POGK: variants seen among roughly 807,000 people sequenced by gnomAD.
POGK encodes pogo transposable element with KRAB domain.
POGK carries 16 observed loss-of-function variants against 54.4 expected under a neutral mutation model. The observed-to-expected ratio is 0.29, with a 90% confidence interval of 0.20 to 0.45. The LOEUF is 0.45. Among genes scored for constraint, POGK ranks in the 20% least tolerant of loss-of-function variants. The pLI is 1.00. For synonymous variants in POGK, 271 were observed against 302.2 expected, an observed-to-expected ratio of 0.90 and a Z score of 1.07; for missense variants, 515 against 795.6, an observed-to-expected ratio of 0.65 and a Z score of 4.24.
intron 5 of POGK, 178 bp downstream of exon 5, chr1:166,850,601 CT>C (rs1658022557): frequency 1.6e-6 from 1 of 625,450 alleles, no homozygotes; most frequent in African/African-American, 1.8e-5. Flanking sequence ...CTGTCAGGAA[CT>C]GGGCTGCACA....
intron 2 of POGK, among the ~76,000 whole-genome samples, chr1:166,844,873 G>A (rs574524565): frequency 6.6e-6 from 1 of 152,300 alleles, no homozygotes; most frequent in South Asian, 2.1e-4. Flanking sequence ...GCACAGAGTG[G>A]GCTTCCTCGG....
chr1:166,851,675 CA>C, intron 5 of POGK: 1 of 152,190 alleles, frequency 6.6e-6, no homozygotes, highest in East Asian at 1.9e-4. Context: ...CCACAAAGAA[CA>C]AACAATTCAT....
At chr1:166,852,075 T>C (rs1346102977) in intron 5 of POGK, 1 of 152,220 alleles carries the variant, frequency 6.6e-6, no homozygotes, top group Admixed American at 6.5e-5. Context: ...TTGCTTTTTT[T>C]TCCCCCTTGG....
chr1:166,850,543 G>T, intron 5 of POGK, 120 bp downstream of exon 5: 1 of 1,201,822 alleles, frequency 8.3e-7, no homozygotes. Flanking sequence ...CAGTAGTGTA[G>T]ATCAGGGGTC....
rs1201740241 is a variant in POGK at position 166,853,526 on chromosome 1, T to G, written c.*956T>G. On this transcript the variant is annotated 3_prime_UTR_variant, in exon 6 of 6. Transcript: ENST00000367876. The stretch of plus-strand genomic sequence containing the variant: ...CTTGGGCTTTTAGCCACAGCTGTTT[T>G]AAGACTTCTGATCTCCTGCCCTGCA... The G allele has an allele frequency of 6.5e-6, 1 of 152,674 alleles. No individual in the cohort carries two copies. The highest frequency in any genetic ancestry group is 6.5e-5 in the Admixed American group (1 of 15,288). 9.5% of individuals were successfully genotyped at this position (152,674 alleles called of 1,614,324 possible).
intron 1 of POGK, 52 bp from the exon 2 acceptor site, chr1:166,840,903 T>C (rs759775117): frequency 4.4e-6 from 7 of 1,605,956 alleles, no homozygotes; most frequent in Non-Finnish European, 6.0e-6. Context: ...TCATAGGCTT[T>C]GGGGAGGTCA....
At position 166,855,361 on chromosome 1, in the gene POGK, AAGCATTTGTTTCT is replaced by A. The variant is rs1658239409; in HGVS notation, c.*2792_*2804del. On this transcript the variant is annotated 3_prime_UTR_variant, in exon 6 of 6. Coordinates refer to ENST00000367876, the MANE Select transcript of POGK (RefSeq NM_017542.5). ...ATTTTTCTACATGATGCTTGATAATAAGCATTTGTTTCTTAACCTAATTAGAGAAGCGATTGCA... is the reference window on the plus strand; with the variant it reads ...ATTTTTCTACATGATGCTTGATAATATAACCTAATTAGAGAAGCGATTGCA... 2.6e-5 allele frequency: 4 copies of A among 152,214 alleles called. No individual in the cohort carries two copies. The South Asian group carries it at 8.3e-4, about 31-fold the overall frequency. 9.4% of individuals were successfully genotyped at this position (152,214 alleles called of 1,614,324 possible).
In POGK at chr1:166,852,940, A is replaced by C. The variant is rs1056738257; in HGVS notation, c.*370A>C. 1 of 152,256 alleles carries C rather than the reference A, an allele frequency of 6.6e-6. No individual in the cohort carries two copies. Among genetic ancestry groups the C allele is most frequent in the Non-Finnish European group, 1.5e-5 (1 of 68,050 alleles). The allele number at this position is 152,256 out of a possible 1,614,324, so 9.4% of individuals were successfully genotyped here. ...CTGGAGAAAAGACAATTTATTCAAC[A>C]CCAACGAGGGACTCATCATATGGGC... On this transcript the variant is annotated 3_prime_UTR_variant, in exon 6 of 6. Coordinates refer to ENST00000367876, the MANE Select transcript of POGK (RefSeq NM_017542.5).
intron 3 of POGK, among the ~76,000 whole-genome samples, chr1:166,847,145 A>G (rs1447233680): frequency 6.6e-6 from 1 of 152,140 alleles, no homozygotes; most frequent in Admixed American, 6.5e-5. Context: ...CCCCAAATTG[A>G]TATCACACAT....
chr1:166,841,618 C>T (rs1166997183), intron 2 of POGK, among the ~76,000 whole-genome samples: 2 of 152,118 alleles, frequency 1.3e-5, no homozygotes, highest in Admixed American at 6.6e-5. Context: ...TGATAGAGGT[C>T]GGTTTATACA....
At chr1:166,852,014 G>A (rs1658084339) in intron 5 of POGK, 1 of 152,040 alleles carries the variant, frequency 6.6e-6, no homozygotes. Flanking sequence ...GGGATCCCTG[G>A]AATTACAATG....
rs1658137288 is a variant in POGK, at chr1:166,852,979, CCTT to C, written c.*412_*414del. The C allele has an allele frequency of 6.6e-6, 1 of 152,252 alleles. No homozygotes were observed. The highest frequency in any genetic ancestry group is 6.5e-5 in the Admixed American group (1 of 15,286). 9.4% of individuals were successfully genotyped at this position (152,252 alleles called of 1,614,324 possible). ...CATCATATGGGCACAACTCTGGTGTCCTTCTATGGAGAAAACCTCAAGTAAAGT... is the reference window on the plus strand; with the variant it reads ...CATCATATGGGCACAACTCTGGTGTCCTATGGAGAAAACCTCAAGTAAAGT... On this transcript the variant is annotated 3_prime_UTR_variant, in exon 6 of 6. Transcript: ENST00000367876.
chr1:166,841,216 G>T, intron 2 of POGK, 128 bp downstream of exon 2: 1 of 1,271,946 alleles, frequency 7.9e-7, no homozygotes, highest in East Asian at 2.5e-5. Context: ...TTGCATTCCT[G>T]AGAAAACAGC....
intron 2 of POGK, among the ~76,000 whole-genome samples, chr1:166,841,475 G>C (rs1045798465): frequency 6.6e-6 from 1 of 152,202 alleles, no homozygotes; most frequent in African/African-American, 2.4e-5. Flanking sequence ...TGACATGAGA[G>C]GTTAGGCTAG....
Position 166,847,536 on chromosome 1 carries a change from G to A in POGK, c.302G>A (p.Gly101Glu). 1.2e-6 allele frequency: 2 copies of A among 1,613,950 alleles called. No individual in the cohort carries two copies. The highest frequency in any genetic ancestry group is 1.7e-6 in the Non-Finnish European group (2 of 1,179,872). The change falls in exon 4 of 6, where the codon GGG becomes GAG. Residue 101 changes from glycine (G) to glutamate (E), a missense_variant. Physicochemically the swap from Gly to Glu is moderately conservative, Grantham distance 98 (BLOSUM62 -2). Coordinates refer to ENST00000367876, the MANE Select transcript of POGK (RefSeq NM_017542.5). ...CCAGACATGATCACCCGTTTGGAAG[G>A]GGAGGAGGAGTCTCAGAATTCTGAC... The part of the protein sequence containing the change: ...PKPDMITRLE[G>E]EEESQNSDEW...
In POGK at chr1:166,853,932, C is replaced by T. The variant is rs1658179979; in HGVS notation, c.*1362C>T. ...GAACAACTCAATATTTGAATTGTTG[C>T]CCCATTTGCTTTTACCTGTACTGTA... On this transcript the variant is annotated 3_prime_UTR_variant, in exon 6 of 6. Coordinates refer to ENST00000367876, the MANE Select transcript of POGK (RefSeq NM_017542.5). 3 of 152,154 alleles carry T rather than the reference C, an allele frequency of 2.0e-5. No individual in the cohort carries two copies. In the South Asian group the frequency reaches 6.2e-4, roughly 31 times the overall value. 9.4% of individuals were successfully genotyped at this position (152,154 alleles called of 1,614,324 possible).
Position 166,849,023 on chromosome 1 carries a change from C to T in POGK, c.444C>T (p.Asp148=), listed in dbSNP as rs1227205164. 1 of 1,614,080 alleles carries T rather than the reference C, an allele frequency of 6.2e-7. No homozygotes were observed. The highest frequency in any genetic ancestry group is 1.3e-5 in the African/African-American group (1 of 74,928). The change falls in exon 5 of 6, where the codon GAC becomes GAT. Residue 148 remains aspartate, a synonymous_variant. Transcript: ENST00000367876. ...AGTTTCCTCAGCCTCAGCACTTTGA[C>T]AGCTTTGGCCTCCGTCTGCCTCGGG... The part of the protein sequence containing the change: ...TSQFPQPQHF[D]SFGLRLPRDI...
intron 2 of POGK, among the ~76,000 whole-genome samples, chr1:166,845,918 A>T (rs949890115): frequency 6.6e-6 from 1 of 152,162 alleles, no homozygotes; most frequent in African/African-American, 2.4e-5. Context: ...ATCAAAGTGA[A>T]TGAGTTTGCT....
In POGK at chr1:166,849,864, A is replaced by G. The variant is rs1395135672; in HGVS notation, c.1285A>G (p.Ser429Gly). ...ATATATCCCCCCGGGGAAGTTTCCC[A>G]GTGGGATGGAAATTCGCTGCCACCG... ...GTYIPPGKFP[S>G]GMEIRCHRYG... Residue 429 changes from serine (S) to glycine (G), a missense_variant, in exon 5 of 6, where the codon AGT becomes GGT. This residue lies in a region of POGK where 461 missense variants were observed against 743.5 expected (regional missense o/e 0.62). Coordinates refer to ENST00000367876, the MANE Select transcript of POGK (RefSeq NM_017542.5). The G allele has an allele frequency of 1.2e-6, 2 of 1,614,240 alleles. No homozygotes were observed. The highest frequency in any genetic ancestry group is 3.3e-5 in the Admixed American group (2 of 60,032).
Sources: allele counts gnomAD v4.1 joint callset (sites outside exome capture counted in the v4.1 genomes callset), GRCh38; gene constraint gnomAD v4.1.1; regional missense constraint gnomAD v4.1.1; transcripts MANE v1.5; gene names NCBI Gene and HGNC (gene_info 2026-07-23, HGNC 2026-07-21).